Variants in GAN observed in about 807,000 individuals in gnomAD.
GAN encodes gigaxonin.
In GAN, 48 loss-of-function variants were observed where a neutral mutation model predicts 71.3. The observed-to-expected ratio is 0.67, with a 90% CI of 0.53 to 0.86. The LOEUF is 0.86. Ranked by LOEUF, GAN falls within the 40% of genes least tolerant of loss-of-function variation. The pLI is 0.00. For synonymous variants in GAN, 386 were observed against 276.8 expected, an observed-to-expected ratio of 1.39 and a Z score of -3.92; for missense variants, 928 against 770.1, an observed-to-expected ratio of 1.21 and a Z score of -2.43.
In GAN at chr16:81,373,855, G is replaced by A. The variant is rs552458714; in HGVS notation, c.1503-3364G>A. On this transcript the variant is annotated intron_variant, in intron 9 of 10. Coordinates refer to ENST00000648994, the MANE Select transcript of GAN (RefSeq NM_022041.4). ...CCTCCTGGGTTCAAGTGATTCTCCT[G>A]CCTCAGCCTCCCAAGTAGCTGGGAC... Among the ~76,000 whole-genome samples the A allele has an allele frequency of 1.5e-3, 223 of 152,282 alleles. 1 individual carries two copies. Among genetic ancestry groups the A allele is most frequent in the African/African-American group, 5.1e-3 (210 of 41,558 alleles).
intron 5 of GAN, among the ~76,000 whole-genome samples, chr16:81,358,334 G>A (rs575832510): frequency 2.6e-5 from 4 of 152,292 alleles, no homozygotes; most frequent in African/African-American, 9.6e-5. Context: ...GTTATATAAG[G>A]CCGAGTGTGG....
Position 81,329,074 on chromosome 16 carries a change from A to G in GAN, c.167+13794A>G, listed in dbSNP as rs1457873450. Reference sequence around the variant, plus strand: ...CTAATTAGACATAATGATGATTTACATGCCAATCTTCTGTAGAGCAAAGAT... The same window carrying G: ...CTAATTAGACATAATGATGATTTACGTGCCAATCTTCTGTAGAGCAAAGAT... On this transcript the variant is annotated intron_variant, in intron 1 of 10. Coordinates refer to ENST00000648994, the MANE Select transcript of GAN (RefSeq NM_022041.4). Among the ~76,000 whole-genome samples the G allele has an allele frequency of 2.0e-5, 3 of 152,198 alleles. No individual in the cohort carries two copies. The East Asian group carries it at 5.8e-4, about 29-fold the overall frequency.
chr16:81,356,415 T>C (rs912583303), intron 3 of GAN, among the ~76,000 whole-genome samples: 1 of 152,198 alleles, frequency 6.6e-6, no homozygotes, highest in Non-Finnish European at 1.5e-5. Context: ...ATAATATTTG[T>C]ATAAACATGA....
At chr16:81,364,689 T>TAATA (rs869071607) in intron 7 of GAN, among the ~76,000 whole-genome samples, 6 of 152,074 alleles carry the variant, frequency 3.9e-5, no homozygotes, top group African/African-American at 1.2e-4. Context: ...ACCCTGTCTC[T>TAATA]AATAAATAAA....
intron 1 of GAN, among the ~76,000 whole-genome samples, chr16:81,343,195 A>G (rs1229188318): frequency 6.6e-6 from 1 of 150,456 alleles, no homozygotes; most frequent in Non-Finnish European, 1.5e-5. Context: ...AGTTCTATAA[A>G]GAGGAGCTGG....
At chr16:81,344,879 C>G (rs577641819) in intron 1 of GAN, among the ~76,000 whole-genome samples, 1 of 152,256 alleles carries the variant, frequency 6.6e-6, no homozygotes, top group Non-Finnish European at 1.5e-5. Flanking sequence ...TATCCAGAAT[C>G]TACAAAGAAC....
At chr16:81,362,890 C>A (rs1411541173) in intron 6 of GAN, among the ~76,000 whole-genome samples, 1 of 152,214 alleles carries the variant, frequency 6.6e-6, no homozygotes, top group Admixed American at 6.5e-5. Context: ...CCCCTCCTCG[C>A]AGCACCTTCT....
Position 81,384,116 on chromosome 16 carries a change from A to G in GAN, c.*6520A>G, listed in dbSNP as rs928245316. The G allele has an allele frequency of 6.6e-6, 1 of 152,056 alleles. No individual in the cohort carries two copies. Among genetic ancestry groups the G allele is most frequent in the African/African-American group, 2.4e-5 (1 of 41,392 alleles). The allele number at this position is 152,056 out of a possible 1,614,324, so 9.4% of individuals were successfully genotyped here. On this transcript the variant is annotated 3_prime_UTR_variant, in exon 11 of 11. Coordinates refer to ENST00000648994, the MANE Select transcript of GAN (RefSeq NM_022041.4). The stretch of plus-strand genomic sequence containing the variant: ...GGATGAGAATTACATGCACTTATTC[A>G]GTTGTTCTTTGTGTTTATAGGAAAA...
intron 1 of GAN, among the ~76,000 whole-genome samples, chr16:81,348,026 T>TA (rs1010025024): frequency 1.6e-4 from 25 of 151,830 alleles, no homozygotes; most frequent in Admixed American, 1.2e-3. Context: ...TAATAAATTT[T>TA]AAAAAAAATA....
At position 81,382,634 on chromosome 16, in the gene GAN, G is replaced by C. The variant is rs1904311171; in HGVS notation, c.*5038G>C. On this transcript the variant is annotated 3_prime_UTR_variant, in exon 11 of 11. Coordinates refer to ENST00000648994, the MANE Select transcript of GAN (RefSeq NM_022041.4). The stretch of plus-strand genomic sequence containing the variant: ...CTCTTTACTCTGTCTGTAGTTTTGA[G>C]AAATTACAGAAATTCATAGTATAAG... The C allele has an allele frequency of 6.6e-6, 1 of 152,134 alleles. No individual in the cohort carries two copies. Among genetic ancestry groups the C allele is most frequent in the Non-Finnish European group, 1.5e-5 (1 of 68,030 alleles). 9.4% of individuals were successfully genotyped at this position (152,134 alleles called of 1,614,324 possible).
chr16:81,370,690 A>G (rs1911010712), intron 9 of GAN, among the ~76,000 whole-genome samples: 1 of 152,274 alleles, frequency 6.6e-6, no homozygotes, highest in Admixed American at 6.5e-5. Context: ...GGCAGCCGAC[A>G]GCGGCATAGT....
chr16:81,338,333 C>G (rs1449626764), intron 1 of GAN, among the ~76,000 whole-genome samples: 1 of 152,068 alleles, frequency 6.6e-6, no homozygotes, highest in Non-Finnish European at 1.5e-5. Context: ...ATCCTGTAGC[C>G]TCCTGAGGTG....
At chr16:81,316,919 C>T (rs117942624) in intron 1 of GAN, among the ~76,000 whole-genome samples, 3,961 of 152,256 alleles carry the variant, frequency 0.026, 102 homozygotes, top group East Asian at 0.084. Flanking sequence ...AGTGCAGTGG[C>T]GTGATCTCGG....
chr16:81,380,405 C>T lies in GAN; in HGVS notation c.*2809C>T, dbSNP rs2290947. On this transcript the variant is annotated 3_prime_UTR_variant, in exon 11 of 11. Transcript: ENST00000648994. The stretch of plus-strand genomic sequence containing the variant: ...ATAAGTAAATATTTAAAGAACCTCT[C>T]CTAGGCTGCAGTCTAAAATAGGTAG... 2 of 152,718 alleles carry T rather than the reference C, an allele frequency of 1.3e-5. No homozygotes were observed. Among genetic ancestry groups the T allele is most frequent in the East Asian group, 1.9e-4 (1 of 5,192 alleles). The allele number at this position is 152,718 out of a possible 1,614,324, so 9.5% of individuals were successfully genotyped here. A position where few individuals can be genotyped will look rare whatever the true frequency, so the allele number is the denominator to read the frequency against.
At chr16:81,372,795 C>T (rs1911077976) in intron 9 of GAN, among the ~76,000 whole-genome samples, 2 of 152,158 alleles carry the variant, frequency 1.3e-5, no homozygotes, top group Admixed American at 6.5e-5. Flanking sequence ...GTGAATAAAC[C>T]AGTATTGTAG....
intron 1 of GAN, among the ~76,000 whole-genome samples, chr16:81,334,296 C>G (rs1294077781): frequency 2.6e-5 from 4 of 152,158 alleles, no homozygotes; most frequent in Admixed American, 6.5e-5. Flanking sequence ...AGGACTGTGG[C>G]TGTGGCCTCC....
intron 1 of GAN, among the ~76,000 whole-genome samples, chr16:81,343,670 G>T (rs1466051964): frequency 6.6e-6 from 1 of 152,112 alleles, no homozygotes; most frequent in Non-Finnish European, 1.5e-5. Context: ...CATCCTGAAT[G>T]GGCAAAAATT....
chr16:81,345,453 G>T (rs1433915087), intron 1 of GAN, among the ~76,000 whole-genome samples: 1 of 152,156 alleles, frequency 6.6e-6, no homozygotes, highest in African/African-American at 2.4e-5. Context: ...GCAGGGACAT[G>T]GATGAAGCTG....
chr16:81,375,185 G>A lies in GAN; in HGVS notation c.1503-2034G>A, dbSNP rs144478153. On this transcript the variant is annotated intron_variant, in intron 9 of 10. Coordinates refer to ENST00000648994, the MANE Select transcript of GAN (RefSeq NM_022041.4). ...AAATGAAAAGGCCACCTACATGCTG[G>A]GAAAAAATATTCATAATACATTTAT... Among the ~76,000 whole-genome samples, 698 of 151,600 alleles carry A rather than the reference G, an allele frequency of 4.6e-3. 6 individuals are homozygous for A. Among genetic ancestry groups the A allele is most frequent in the African/African-American group, 0.016 (665 of 41,364 alleles).
Sources: gnomAD v4.1 joint callset for allele counts (sites outside exome capture counted in the v4.1 genomes callset) on GRCh38, gnomAD v4.1.1 for gene constraint, MANE v1.5 for transcripts, NCBI Gene and HGNC (gene_info 2026-07-23, HGNC 2026-07-21) for gene names.